Variants in TMEM178B observed in about 807,000 individuals in gnomAD.
TMEM178B encodes transmembrane protein 178B.
Under a neutral mutation model 31.0 loss-of-function variants are expected in TMEM178B, and 5 were observed. That is an observed-to-expected ratio of 0.16 (90% confidence interval 0.08 to 0.34). TMEM178B has a LOEUF of 0.34. Ranked by LOEUF, TMEM178B falls within the 10% of genes least tolerant of loss-of-function variation. The pLI, the probability that TMEM178B is intolerant of heterozygous loss-of-function variation, is 1.00. For missense variants in TMEM178B, 275 were observed against 400.3 expected, an observed-to-expected ratio of 0.69 and a Z score of 2.67; for synonymous variants, 164 against 164.0, an observed-to-expected ratio of 1.00 and a Z score of 0.00.
chr7:141,099,925 G>T (rs991973211), intron 1 of TMEM178B, among the ~76,000 whole-genome samples: 3 of 151,806 alleles, frequency 2.0e-5, no homozygotes, highest in African/African-American at 4.8e-5. Context: ...CGCATCCCGG[G>T]TTCACGCCAT....
intron 3 of TMEM178B, 66 bp downstream of exon 3, chr7:141,437,811 A>T (rs1217508421): frequency 6.5e-7 from 1 of 1,529,364 alleles, no homozygotes; most frequent in East Asian, 2.5e-5. Context: ...ATTTGGGGAG[A>T]ATGGCCAGAG....
At chr7:141,137,783 C>T (rs1013800141) in intron 1 of TMEM178B, among the ~76,000 whole-genome samples, 1 of 151,982 alleles carries the variant, frequency 6.6e-6, no homozygotes, top group Non-Finnish European at 1.5e-5. Context: ...TCACAGGTAC[C>T]ACATAGATAT....
At chr7:141,155,432 C>A (rs1796052334) in intron 1 of TMEM178B, among the ~76,000 whole-genome samples, 5 of 152,186 alleles carry the variant, frequency 3.3e-5, no homozygotes, top group Non-Finnish European at 7.3e-5. Flanking sequence ...GGGCATAGCA[C>A]CCCATGGTCT....
At chr7:141,160,676 C>T (rs1295411957) in intron 1 of TMEM178B, among the ~76,000 whole-genome samples, 3 of 152,114 alleles carry the variant, frequency 2.0e-5, no homozygotes, top group Non-Finnish European at 2.9e-5. Flanking sequence ...GCACATGGGG[C>T]ATATGTTCTG....
chr7:141,347,627 A>G (rs899617982), intron 2 of TMEM178B, among the ~76,000 whole-genome samples: 1 of 152,148 alleles, frequency 6.6e-6, no homozygotes, highest in African/African-American at 2.4e-5. Context: ...TCTGGGGCCC[A>G]TAGGCTCATG....
chr7:141,233,095 C>G (rs1298754472), intron 2 of TMEM178B, among the ~76,000 whole-genome samples: 1 of 152,180 alleles, frequency 6.6e-6, no homozygotes, highest in African/African-American at 2.4e-5. Flanking sequence ...GCGATTGAAA[C>G]CTCAATCTTC....
chr7:141,222,200 G>T (rs894508804), intron 2 of TMEM178B, among the ~76,000 whole-genome samples: 8 of 152,206 alleles, frequency 5.3e-5, no homozygotes, highest in Admixed American at 5.2e-4. Flanking sequence ...ATTTCTTGTG[G>T]TTAGTTGAAT....
chr7:141,284,821 C>T (rs906493262), intron 2 of TMEM178B, among the ~76,000 whole-genome samples: 1 of 152,136 alleles, frequency 6.6e-6, no homozygotes, highest in African/African-American at 2.4e-5. Context: ...TCAGTATTAT[C>T]TCAAGGATAT....
rs569562147 is a variant in TMEM178B, at chr7:141,476,585, T to C, written c.*5799T>C. The C allele has an allele frequency of 2.0e-5, 3 of 152,352 alleles. No individual in the cohort carries two copies. The highest frequency in any genetic ancestry group is 3.9e-4 in the East Asian group (2 of 5,186). 9.4% of individuals were successfully genotyped at this position (152,352 alleles called of 1,614,324 possible). A position where few individuals can be genotyped will look rare whatever the true frequency, so the allele number is the denominator to read the frequency against. ...TCTCAAGGAGCTGGGATCTTCTTTC[T>C]CTTGTCAGTTGCTGAAGCCAGTAGC... On this transcript the variant is annotated 3_prime_UTR_variant, in exon 4 of 4. Transcript: ENST00000565468.
At position 141,380,647 on chromosome 7, in the gene TMEM178B, A is replaced by G. The variant is rs374653134; in HGVS notation, c.497-56961A>G. 6.6e-5 allele frequency among the ~76,000 whole-genome samples: 10 copies of G among 152,230 alleles called. 2 individuals carry two copies. Among genetic ancestry groups the G allele is most frequent in the East Asian group, 3.9e-4 (2 of 5,188 alleles). On this transcript the variant is annotated intron_variant, in intron 2 of 3. Coordinates refer to ENST00000565468, the MANE Select transcript of TMEM178B (RefSeq NM_001195278.2). ...AATCCAACTGCTTATTGTTGTTGTT[A>G]TTTATATGTGTGTATGTGTTTGTTT...
intron 1 of TMEM178B, among the ~76,000 whole-genome samples, chr7:141,157,219 G>A (rs994639998): frequency 2.0e-5 from 3 of 152,086 alleles, no homozygotes; most frequent in Admixed American, 6.5e-5. Context: ...GCCTCTCTTG[G>A]TGCAAACTAC....
In TMEM178B at chr7:141,084,801, A is replaced by G. The variant is rs550638830; in HGVS notation, c.382+10109A>G. Among the ~76,000 whole-genome samples the G allele has an allele frequency of 1.6e-4, 24 of 152,320 alleles. 1 individual carries two copies. Among genetic ancestry groups the G allele is most frequent in the Admixed American group, 1.4e-3 (21 of 15,300 alleles). ...TCATATCAGAGATCGTATATTCATG[A>G]TGTTTAAAAACAGCAAGTATAAATA... On this transcript the variant is annotated intron_variant, in intron 1 of 3. Transcript: ENST00000565468.
intron 3 of TMEM178B, among the ~76,000 whole-genome samples, chr7:141,460,610 T>C (rs183721497): frequency 5.6e-4 from 86 of 152,358 alleles, no homozygotes; most frequent in African/African-American, 2.1e-3. Flanking sequence ...GAGGCCAGCC[T>C]CTATGGATGG....
chr7:141,148,209 A>T (rs1489403098), intron 1 of TMEM178B, among the ~76,000 whole-genome samples: 1 of 152,160 alleles, frequency 6.6e-6, no homozygotes. Context: ...CATCTTCTCC[A>T]ACTTTAACCT....
chr7:141,209,858 A>G (rs934725880), intron 1 of TMEM178B, among the ~76,000 whole-genome samples: 1 of 152,186 alleles, frequency 6.6e-6, no homozygotes, highest in African/African-American at 2.4e-5. Flanking sequence ...TCAGGAGTGA[A>G]TATGGCATAT....
intron 2 of TMEM178B, among the ~76,000 whole-genome samples, chr7:141,368,342 C>T (rs943707046): frequency 1.3e-5 from 2 of 152,120 alleles, no homozygotes; most frequent in African/African-American, 4.8e-5. Flanking sequence ...GATCTGAAAC[C>T]CTGCTAGTCA....
chr7:141,212,342 C>G (rs1208033415), intron 1 of TMEM178B, among the ~76,000 whole-genome samples: 1 of 152,204 alleles, frequency 6.6e-6, no homozygotes, highest in African/African-American at 2.4e-5. Flanking sequence ...AAGCTGCTAT[C>G]AGCCTAAACA....
intron 1 of TMEM178B, among the ~76,000 whole-genome samples, chr7:141,193,505 CA>C (rs1481974889): frequency 6.6e-6 from 1 of 152,204 alleles, no homozygotes; most frequent in Non-Finnish European, 1.5e-5. Flanking sequence ...CCTGGGGTCC[CA>C]GGGGGTACCC....
chr7:141,451,727 T>C (rs886429664), intron 3 of TMEM178B, among the ~76,000 whole-genome samples: 1 of 152,148 alleles, frequency 6.6e-6, no homozygotes, highest in South Asian at 2.1e-4. Flanking sequence ...ATGAGTCTCT[T>C]TAGCTGGATA....
Sources: allele counts gnomAD v4.1 joint callset (sites outside exome capture counted in the v4.1 genomes callset), GRCh38; gene constraint gnomAD v4.1.1; transcripts MANE v1.5; gene names NCBI Gene and HGNC (gene_info 2026-07-23, HGNC 2026-07-21).